The following ZMIZ1 variants were observed in gnomAD, a reference collection of about 807,000 sequenced individuals.
ZMIZ1 encodes zinc finger MIZ-type containing 1.
A neutral mutation model predicts 113.9 loss-of-function variants in ZMIZ1; 17 were observed. That is an observed-to-expected ratio of 0.15 (90% CI 0.10 to 0.22). The LOEUF is 0.22. Ranked by LOEUF, ZMIZ1 falls within the 10% of genes least tolerant of loss-of-function variation. The pLI is 1.00. For synonymous variants in ZMIZ1, 607 were observed against 603.1 expected (o/e 1.01, Z -0.09); for missense variants, 1,059 against 1,477.8 (o/e 0.72, Z 4.65).
intron 2 of ZMIZ1, among the ~76,000 whole-genome samples, chr10:79,135,887 C>T (rs1172520713): frequency 6.6e-6 from 1 of 150,826 alleles, no homozygotes. Context: ...CCCTCTCGGC[C>T]ACCCACCCAC....
intron 7 of ZMIZ1, among the ~76,000 whole-genome samples, chr10:79,245,009 AC>A (rs1209561312): frequency 6.6e-6 from 1 of 152,132 alleles, no homozygotes; most frequent in Non-Finnish European, 1.5e-5. Context: ...CCAGGCAGTG[AC>A]TACCCTCCAA....
intron 4 of ZMIZ1, among the ~76,000 whole-genome samples, chr10:79,165,967 T>TGCGCGCGCGC (rs1564692761): frequency 8.6e-4 from 9 of 10,462 alleles, no homozygotes; most frequent in Admixed American, 1.3e-3. Flanking sequence ...TGTGTGTGTG[T>TGCGCGCGCGC]GTGTGTGTGT....
intron 1 of ZMIZ1, among the ~76,000 whole-genome samples, chr10:79,102,758 T>A (rs1180595317): frequency 6.6e-6 from 1 of 152,174 alleles, no homozygotes; most frequent in African/African-American, 2.4e-5. Flanking sequence ...TCTCCGCGGC[T>A]CAGTGCCCTC....
intron 1 of ZMIZ1, among the ~76,000 whole-genome samples, chr10:79,100,419 A>G (rs1219199001): frequency 6.6e-6 from 1 of 151,118 alleles, no homozygotes; most frequent in African/African-American, 2.4e-5. Context: ...CATCCTGGGC[A>G]ACATAGACAC....
intron 8 of ZMIZ1, among the ~76,000 whole-genome samples, chr10:79,278,166 T>A (rs1852425491): frequency 6.6e-6 from 1 of 152,206 alleles, no homozygotes; most frequent in Non-Finnish European, 1.5e-5. Context: ...CTTGTTGACT[T>A]TCTGAGCTGG....
intron 7 of ZMIZ1, 68 bp downstream of exon 7, chr10:79,216,342 C>A (rs1233635745): frequency 2.2e-6 from 3 of 1,390,836 alleles, no homozygotes; most frequent in East Asian, 2.7e-5. Context: ...ATAAACCATG[C>A]CTGTTTGCTG....
At chr10:79,075,629 A>T (rs776746731) in intron 1 of ZMIZ1, among the ~76,000 whole-genome samples, 2 of 148,870 alleles carry the variant, frequency 1.3e-5, no homozygotes, top group African/African-American at 2.6e-5. Flanking sequence ...CTGCACACAC[A>T]TGCACACACT....
At chr10:79,119,563 G>T (rs1844195597) in intron 2 of ZMIZ1, among the ~76,000 whole-genome samples, 1 of 152,198 alleles carries the variant, frequency 6.6e-6, no homozygotes, top group South Asian at 2.1e-4. Flanking sequence ...GGTCTGTGTG[G>T]CTCCAGTGCG....
intron 2 of ZMIZ1, among the ~76,000 whole-genome samples, chr10:79,122,080 C>T (rs1287768828): frequency 2.6e-5 from 4 of 152,102 alleles, no homozygotes; most frequent in African/African-American, 4.8e-5. Flanking sequence ...CCCTGTGTGA[C>T]GGCCAGTGAA....
intron 1 of ZMIZ1, among the ~76,000 whole-genome samples, chr10:79,113,743 C>T (rs1843856249): frequency 6.6e-6 from 1 of 152,058 alleles, no homozygotes; most frequent in Non-Finnish European, 1.5e-5. Flanking sequence ...TTGGTGAAGG[C>T]TTCCCTGGCA....
At chr10:79,163,506 T>C (rs778150112) in intron 4 of ZMIZ1, among the ~76,000 whole-genome samples, 6 of 152,248 alleles carry the variant, frequency 3.9e-5, no homozygotes, top group Non-Finnish European at 8.8e-5. Context: ...CTGCTGTGTG[T>C]GTGTCAGGCA....
In ZMIZ1 at chr10:79,289,873, A is replaced by G; in HGVS notation, c.524A>G (p.Asn175Ser). 2 of 1,613,982 alleles carry G rather than the reference A, an allele frequency of 1.2e-6. No homozygotes were observed. The highest frequency in any genetic ancestry group is 8.5e-7 in the Non-Finnish European group (1 of 1,179,880). Residue 175 changes from asparagine (N) to serine (S), a missense_variant, in exon 9 of 25, where the codon AAC (asparagine) becomes AGC (serine). This residue lies in a region of ZMIZ1 where 272 missense variants were observed against 350.4 expected (regional missense o/e 0.78). Transcript: ENST00000334512. Reference sequence around the variant, plus strand: ...GTCACCACGGTTTGGGGAGTAACCAACACATCCCAGAGCCAGGTAAGAGCC... The same window carrying G: ...GTCACCACGGTTTGGGGAGTAACCAGCACATCCCAGAGCCAGGTAAGAGCC... The part of the protein sequence containing the change: ...SVVTTVWGVT[N>S]TSQSQVLGNP...
intron 8 of ZMIZ1, among the ~76,000 whole-genome samples, chr10:79,285,783 T>C (rs1853038059): frequency 6.6e-6 from 1 of 152,200 alleles, no homozygotes; most frequent in Admixed American, 6.5e-5. Context: ...TTCTCACTCT[T>C]GCCAGGAATG....
chr10:79,292,431 G>A, intron 11 of ZMIZ1, 75 bp downstream of exon 11: 1 of 1,553,420 alleles, frequency 6.4e-7, no homozygotes, highest in Non-Finnish European at 8.8e-7. Flanking sequence ...CCAGAGTTGG[G>A]ATGTCAGTGC....
chr10:79,271,796 C>T (rs962988778), intron 7 of ZMIZ1, among the ~76,000 whole-genome samples: 3 of 152,110 alleles, frequency 2.0e-5, no homozygotes, highest in Admixed American at 6.5e-5. Flanking sequence ...GGGGCTGGCG[C>T]ATAGAGAGGT....
chr10:79,230,244 C>T (rs906224925), intron 7 of ZMIZ1, among the ~76,000 whole-genome samples: 2 of 151,916 alleles, frequency 1.3e-5, no homozygotes, highest in South Asian at 4.2e-4. Flanking sequence ...CTTTGTCTCT[C>T]CCCTTTCCCC....
At position 79,298,639 on chromosome 10, in the gene ZMIZ1, G is replaced by T. The variant is rs76444312; in HGVS notation, c.1666+59G>T. 10,066 of 1,487,034 alleles carry T rather than the reference G, an allele frequency of 6.8e-3. 577 individuals carry two copies. The African/African-American group carries it at 0.13, about 19-fold the overall frequency. 92.1% of individuals were successfully genotyped at this position (1,487,034 alleles called of 1,614,324 possible). On this transcript the variant is annotated intron_variant, in intron 15 of 24. Coordinates refer to ENST00000334512, the MANE Select transcript of ZMIZ1 (RefSeq NM_020338.4). The stretch of plus-strand genomic sequence containing the variant: ...ACCTGGGCCCCCCAGTGGGCCGGGA[G>T]CAGGGGCTTCGCAGTCAGGCTGCCT...
At chr10:79,299,270 G>A (rs558279607) in intron 16 of ZMIZ1, 79 bp downstream of exon 16, 1 of 1,525,656 alleles carries the variant, frequency 6.6e-7, no homozygotes, top group East Asian at 2.3e-5. Context: ...CCCGAGTGGG[G>A]CCCTGGGCAG....
At chr10:79,239,396 G>C (rs1280786484) in intron 7 of ZMIZ1, among the ~76,000 whole-genome samples, 2 of 152,190 alleles carry the variant, frequency 1.3e-5, no homozygotes, top group Non-Finnish European at 2.9e-5. Flanking sequence ...CAGCTCCCAG[G>C]GCCTGAGCTC....
Sources: allele counts gnomAD v4.1 joint callset (sites outside exome capture counted in the v4.1 genomes callset), GRCh38; gene constraint gnomAD v4.1.1; regional missense constraint gnomAD v4.1.1; transcripts MANE v1.5; gene names NCBI Gene and HGNC (gene_info 2026-07-23, HGNC 2026-07-21).